Variants in LAMA4 observed in about 807,000 individuals in gnomAD.
The protein encoded by LAMA4 is laminin subunit alpha 4.
A neutral mutation model predicts 207.1 loss-of-function variants in LAMA4; 127 were observed. The observed-to-expected ratio is 0.61, with a 90% CI of 0.53 to 0.71. The LOEUF (loss-of-function observed/expected upper bound fraction) is 0.71, where lower values mean the gene tolerates loss of function less well. Among genes scored for constraint, LAMA4 ranks in the 30% least tolerant of loss-of-function variants. The probability of loss-of-function intolerance (pLI) is 0.00; values close to 1 mark genes in which losing one functional copy is unlikely to be tolerated. For missense variants in LAMA4, 2,093 were observed against 2,246.5 expected, an observed-to-expected ratio of 0.93 and a Z score of 1.38; for synonymous variants, 761 against 816.0, an observed-to-expected ratio of 0.93 and a Z score of 1.15.
chr6:112,128,831 T>C (rs1778852907), intron 31 of LAMA4, 91 bp downstream of exon 31: 1 of 1,112,066 alleles, frequency 9.0e-7, no homozygotes. Context: ...AGTTGCAAAG[T>C]ATCAAGTCAA....
Position 112,118,001 on chromosome 6 carries a change from C to T in LAMA4, c.4822-103G>A. The T allele has an allele frequency of 2.2e-6, 2 of 908,336 alleles. No individual in the cohort carries two copies. Among genetic ancestry groups the T allele is most frequent in the Non-Finnish European group, 1.8e-6 (1 of 558,258 alleles). The allele number at this position is 908,336 out of a possible 1,614,324, so 56.3% of individuals were successfully genotyped here. A position where few individuals can be genotyped will look rare whatever the true frequency, so the allele number is the denominator to read the frequency against. On this transcript the variant is annotated intron_variant, in intron 34 of 38. Coordinates refer to ENST00000230538, the MANE Select transcript of LAMA4 (RefSeq NM_001105206.3). This position sits in a 1 kb window ranked among gnomAD's most constrained non-coding sequence, Gnocchi z 4.6. The stretch of plus-strand genomic sequence containing the variant: ...AGTCCTGAAGGAACCCACGTAATTC[C>T]TTGTTTCATTTATTTCAGATATCTG...
intron 2 of LAMA4, among the ~76,000 whole-genome samples, chr6:112,232,452 A>G (rs1230213877): frequency 6.6e-6 from 1 of 152,176 alleles, no homozygotes; most frequent in African/African-American, 2.4e-5. Flanking sequence ...TCCCTTCCCT[A>G]AGATTTCATT....
At position 112,172,358 on chromosome 6, in the gene LAMA4, C is replaced by G. The variant is rs75886375; in HGVS notation, c.1551+253G>C. 2.6e-5 allele frequency: 12 copies of G among 468,240 alleles called. No individual in the cohort carries two copies. In the East Asian group the frequency reaches 5.0e-4, roughly 19 times the overall value. The allele number at this position is 468,240 out of a possible 1,614,324, so 29.0% of individuals were successfully genotyped here. ...TTACCCACTTGCAAGAATAACAGAC[C>G]CATACACATGGACACAAGCATCAGA... is the stretch of plus-strand genomic sequence containing the variant. On this transcript the variant is annotated intron_variant, in intron 12 of 38. Transcript: ENST00000230538.
intron 5 of LAMA4, among the ~76,000 whole-genome samples, chr6:112,198,256 T>G (rs782697482): frequency 6.6e-6 from 1 of 152,144 alleles, no homozygotes; most frequent in Non-Finnish European, 1.5e-5. Context: ...TGGAGACAGT[T>G]GGACACAGAT....
At chr6:112,131,193 G>C (rs1779013824) in intron 28 of LAMA4, 92 bp from the exon 29 acceptor site, 2 of 1,160,838 alleles carry the variant, frequency 1.7e-6, no homozygotes, top group Middle Eastern at 1.9e-4. Context: ...TTGCTTAAAG[G>C]CAATATAGTG....
At chr6:112,141,262 CTGTGTA>C (rs782378753) in intron 21 of LAMA4, 90 bp downstream of exon 21, 4 of 1,130,698 alleles carry the variant, frequency 3.5e-6, no homozygotes, top group Non-Finnish European at 5.4e-6. Context: ...CACAGGAAGA[CTGTGTA>C]TGTGTGTGTG....
chr6:112,230,570 T>C (rs1785501630), intron 2 of LAMA4, among the ~76,000 whole-genome samples: 1 of 152,266 alleles, frequency 6.6e-6, no homozygotes, highest in South Asian at 2.1e-4. Flanking sequence ...GAAATTGTTC[T>C]GTAACTATTA....
intron 2 of LAMA4, among the ~76,000 whole-genome samples, chr6:112,226,021 G>A (rs1193496984): frequency 6.6e-6 from 1 of 152,094 alleles, no homozygotes; most frequent in African/African-American, 2.4e-5. Context: ...CTGCTGCCTT[G>A]TAGAGTTTAT....
At chr6:112,139,421 G>T in intron 23 of LAMA4, 130 bp from the exon 24 acceptor site, 1 of 976,692 alleles carries the variant, frequency 1.0e-6, no homozygotes, top group Non-Finnish European at 1.6e-6. Flanking sequence ...CCTGTTGTCT[G>T]CAAGGAAGAG....
At chr6:112,194,395 T>C (rs1237968267) in intron 5 of LAMA4, among the ~76,000 whole-genome samples, 1 of 152,178 alleles carries the variant, frequency 6.6e-6, no homozygotes, top group African/African-American at 2.4e-5. Context: ...AAACTCAAAT[T>C]TTCTATTCTG....
intron 12 of LAMA4, among the ~76,000 whole-genome samples, chr6:112,168,681 G>A (rs1781540424): frequency 6.6e-6 from 1 of 151,974 alleles, no homozygotes; most frequent in Non-Finnish European, 1.5e-5. Context: ...ACCTGAACTT[G>A]CCTGTCAATC....
intron 2 of LAMA4, among the ~76,000 whole-genome samples, chr6:112,247,269 C>A (rs983513875): frequency 6.6e-6 from 1 of 152,138 alleles, no homozygotes; most frequent in Non-Finnish European, 1.5e-5. Context: ...AAAGATGGTC[C>A]AATTTGCCCA....
intron 2 of LAMA4, among the ~76,000 whole-genome samples, chr6:112,221,852 A>C (rs1784943434): frequency 6.6e-6 from 1 of 152,208 alleles, no homozygotes; most frequent in African/African-American, 2.4e-5. Flanking sequence ...CTATTCAAAA[A>C]TTTCCAAAAT....
chr6:112,153,532 T>C (rs1780519860), intron 16 of LAMA4, among the ~76,000 whole-genome samples: 1 of 152,206 alleles, frequency 6.6e-6, no homozygotes, highest in African/African-American at 2.4e-5. Context: ...TGGTTAAATT[T>C]AAAATAGAAA....
At chr6:112,229,246 C>G (rs1306721196) in intron 2 of LAMA4, among the ~76,000 whole-genome samples, 1 of 152,168 alleles carries the variant, frequency 6.6e-6, no homozygotes, top group Non-Finnish European at 1.5e-5. Flanking sequence ...TTCTTTCAAT[C>G]ATGTCTTCCT....
chr6:112,182,656 A>C (rs918921299), intron 9 of LAMA4, among the ~76,000 whole-genome samples: 2 of 152,184 alleles, frequency 1.3e-5, no homozygotes, highest in Non-Finnish European at 2.9e-5. Context: ...GAGATGGTGC[A>C]GTACCTCCTG....
intron 10 of LAMA4, among the ~76,000 whole-genome samples, chr6:112,175,730 G>C (rs1781986913): frequency 6.6e-6 from 1 of 152,224 alleles, no homozygotes; most frequent in Non-Finnish European, 1.5e-5. Context: ...TCTTCAGAAT[G>C]GGAACTGGCT....
Position 112,254,188 on chromosome 6 carries a change from G to T in LAMA4, c.-38C>A, listed in dbSNP as rs1554190622. Reference sequence around the variant, plus strand: ...ATCCAGTAGTGCTCTTCCAGGGCTCGGGCGCTGTGGGTCTCCGTAGGTCTC... The same window carrying T: ...ATCCAGTAGTGCTCTTCCAGGGCTCTGGCGCTGTGGGTCTCCGTAGGTCTC... On this transcript the variant is annotated 5_prime_UTR_variant, in exon 2 of 39. Coordinates refer to ENST00000230538, the MANE Select transcript of LAMA4 (RefSeq NM_001105206.3). The T allele has an allele frequency of 6.2e-7, 1 of 1,610,744 alleles. No homozygotes were observed. Among genetic ancestry groups the T allele is most frequent in the Non-Finnish European group, 8.5e-7 (1 of 1,179,634 alleles).
In LAMA4 at chr6:112,254,139, G is replaced by A. The variant is rs1162858302; in HGVS notation, c.12C>T (p.Ser4=). MAL[S]SAWRSVLPLW... ...GAGGCAGAACCGAGCGCCAGGCTGA[G>A]CTCAAAGCCATTTCTCCGCTGACAT... The change falls in exon 2 of 39, where the codon AGC becomes AGT. Residue 4 remains serine, a synonymous_variant. Transcript: ENST00000230538. 6.2e-7 allele frequency: 1 copy of A among 1,612,792 alleles called. No homozygotes were observed. The highest frequency in any genetic ancestry group is 1.7e-5 in the Admixed American group (1 of 59,994).
Sources: gnomAD v4.1 joint callset for allele counts (sites outside exome capture counted in the v4.1 genomes callset) on GRCh38, gnomAD v4.1.1 for gene constraint, Gnocchi (gnomAD v3.1) non-coding constraint, MANE v1.5 for transcripts, NCBI Gene and HGNC (gene_info 2026-07-23, HGNC 2026-07-21) for gene names.